ACYP2: variants seen among roughly 807,000 people sequenced by gnomAD.
ACYP2 encodes acylphosphatase-2.
In ACYP2, 12 loss-of-function variants were observed where a neutral mutation model predicts 11.2. That is an observed-to-expected ratio of 1.08 (90% CI 0.69 to 1.74). The LOEUF is 1.74. ACYP2 is among the 40% of genes most tolerant of loss of function. ACYP2 has a pLI of 0.00. For synonymous variants in ACYP2, 43 were observed against 32.2 expected (o/e 1.33, Z -1.13); for missense variants, 134 against 101.9 (o/e 1.31, Z -1.35).
intron 6 of ACYP2, among the ~76,000 whole-genome samples, chr2:54,222,549 C>CAAA (rs10607204): frequency 9.4e-6 from 1 of 106,490 alleles, no homozygotes; most frequent in Non-Finnish European, 2.0e-5. Context: ...GACTCTGTCT[C>CAAA]AAAAAAAAAA....
rs143163273 is a variant in ACYP2 at position 54,150,530 on chromosome 2, T to C, written c.404+11782T>C. ...TCTGCCTCCTGGGTTCAAGCAGTTC[T>C]CCTGCCTCAGCCTCCTGAGTAGCTG... On this transcript the variant is annotated intron_variant, in intron 6 of 6. Coordinates refer to ENST00000607452, the MANE Select transcript of ACYP2 (RefSeq NM_001320586.2). Among the ~76,000 whole-genome samples, 1,307 of 152,264 alleles carry C rather than the reference T, an allele frequency of 8.6e-3. 11 individuals are homozygous for C. The highest frequency in any genetic ancestry group is 0.03 in the African/African-American group (1,252 of 41,542).
At chr2:54,170,013 T>C (rs1683158989) in intron 6 of ACYP2, among the ~76,000 whole-genome samples, 3 of 152,326 alleles carry the variant, frequency 2.0e-5, no homozygotes, top group South Asian at 4.1e-4. Flanking sequence ...ACTCTTAAAC[T>C]AGTCTTTCCT....
At chr2:54,175,782 C>G (rs962666082) in intron 6 of ACYP2, among the ~76,000 whole-genome samples, 2 of 152,040 alleles carry the variant, frequency 1.3e-5, no homozygotes, top group Non-Finnish European at 2.9e-5. Flanking sequence ...TAATAGAAAC[C>G]CTGAACTTGC....
chr2:54,264,433 CCAA>C (rs1325805420), intron 6 of ACYP2, among the ~76,000 whole-genome samples: 2 of 152,306 alleles, frequency 1.3e-5, no homozygotes, highest in East Asian at 3.9e-4. Flanking sequence ...GAAAAGTTTT[CCAA>C]CTCCCCACCC....
chr2:54,205,770 A>G (rs868470781), intron 6 of ACYP2, among the ~76,000 whole-genome samples: 16 of 152,146 alleles, frequency 1.1e-4, no homozygotes, highest in Non-Finnish European at 2.1e-4. Flanking sequence ...CTTTCTTCTC[A>G]GAGCCTTTAG....
intron 6 of ACYP2, among the ~76,000 whole-genome samples, chr2:54,219,901 A>AT (rs1359232223): frequency 2.8e-5 from 3 of 107,946 alleles, no homozygotes; most frequent in African/African-American, 1.0e-4. Flanking sequence ...ATATATATAT[A>AT]TATATTTTTT....
intron 6 of ACYP2, among the ~76,000 whole-genome samples, chr2:54,187,603 G>A (rs1404655475): frequency 6.6e-6 from 1 of 152,220 alleles, no homozygotes; most frequent in Non-Finnish European, 1.5e-5. Context: ...GCTGCCATGT[G>A]CCTATGAAGT....
chr2:54,175,618 G>C (rs1683427013), intron 6 of ACYP2, among the ~76,000 whole-genome samples: 1 of 151,916 alleles, frequency 6.6e-6, no homozygotes, highest in African/African-American at 2.4e-5. Context: ...TTTTAATTGT[G>C]ATCTCCCAAA....
Position 54,155,618 on chromosome 2 carries a change from G to A in ACYP2, c.404+16870G>A, listed in dbSNP as rs545285980. Reference sequence around the variant, plus strand: ...GAATCTAACTAATGCCTGATGATCTGAGGTGGAACAGTTTCATCCTGAAAC... The same window carrying A: ...GAATCTAACTAATGCCTGATGATCTAAGGTGGAACAGTTTCATCCTGAAAC... On this transcript the variant is annotated intron_variant, in intron 6 of 6. Transcript: ENST00000607452. Among the ~76,000 whole-genome samples, 16 of 152,284 alleles carry A rather than the reference G, an allele frequency of 1.1e-4. No homozygotes were observed. In the East Asian group the frequency reaches 2.7e-3, roughly 26 times the overall value.
intron 2 of ACYP2, among the ~76,000 whole-genome samples, chr2:54,037,595 A>G (rs1018539842): frequency 6.6e-6 from 1 of 151,762 alleles, no homozygotes; most frequent in Non-Finnish European, 1.5e-5. Flanking sequence ...TTTTGTAGAG[A>G]TGAGATCTCA....
At chr2:54,229,628 A>C (rs74706226) in intron 6 of ACYP2, among the ~76,000 whole-genome samples, 4 of 152,192 alleles carry the variant, frequency 2.6e-5, no homozygotes, top group Admixed American at 2.6e-4. Context: ...AGAGAAAAAC[A>C]AAAACATTTT....
chr2:54,259,106 A>T (rs553657240), intron 6 of ACYP2, among the ~76,000 whole-genome samples: 11 of 152,234 alleles, frequency 7.2e-5, no homozygotes, highest in Non-Finnish European at 1.5e-4. Flanking sequence ...AGAGAAGTCA[A>T]GGATGACTCC....
At chr2:53,980,281 A>C (rs1183460930) in intron 2 of ACYP2, among the ~76,000 whole-genome samples, 2 of 152,010 alleles carry the variant, frequency 1.3e-5, no homozygotes, top group African/African-American at 4.8e-5. Flanking sequence ...TAAACCTGGG[A>C]GGTGGAAGCT....
rs1673980768 is a variant in ACYP2 at position 54,021,012 on chromosome 2, A to G, written c.63-29946A>G. ...AAGGGTACAACTCACAGATGGAGCA[A>G]TGGCGAGAGCACATTTGAACAAGGG... On this transcript the variant is annotated intron_variant, in intron 2 of 6. Coordinates refer to ENST00000607452, the MANE Select transcript of ACYP2 (RefSeq NM_001320586.2). Among the ~76,000 whole-genome samples, 3 of 152,338 alleles carry G rather than the reference A, an allele frequency of 2.0e-5. No homozygotes were observed. In the South Asian group the frequency reaches 6.2e-4, roughly 32 times the overall value.
chr2:54,268,778 C>T (rs1366250686), intron 6 of ACYP2, among the ~76,000 whole-genome samples: 2 of 152,132 alleles, frequency 1.3e-5, no homozygotes, highest in African/African-American at 4.8e-5. Flanking sequence ...CACTGCACTC[C>T]AGCCTGGAGC....
At chr2:54,167,116 T>A (rs1683014880) in intron 6 of ACYP2, 1 of 152,110 alleles carries the variant, frequency 6.6e-6, no homozygotes, top group Admixed American at 6.6e-5. Flanking sequence ...TGTGACCTTT[T>A]GCCTCCAGCT....
At chr2:54,272,175 GGAAACTGAAGTTTAGC>G (rs888916366) in intron 6 of ACYP2, among the ~76,000 whole-genome samples, 1 of 152,164 alleles carries the variant, frequency 6.6e-6, no homozygotes, top group African/African-American at 2.4e-5. Flanking sequence ...TCAGTGTTGA[GGAAACTGAAGTTTAGC>G]AGATGCAGGC....
In ACYP2 at chr2:54,008,930, A is replaced by G. The variant is rs562126918; in HGVS notation, c.62+35120A>G. Among the ~76,000 whole-genome samples, 5 of 152,294 alleles carry G rather than the reference A, an allele frequency of 3.3e-5. No individual in the cohort carries two copies. The East Asian group carries it at 9.7e-4, about 29-fold the overall frequency. ...CACTTTCCGAGGCTGAGGCAGGCAGATCACCTGAGGTCAAGAGTTCGAGAC... is the reference window on the plus strand; with the variant it reads ...CACTTTCCGAGGCTGAGGCAGGCAGGTCACCTGAGGTCAAGAGTTCGAGAC... On this transcript the variant is annotated intron_variant, in intron 2 of 6. Transcript: ENST00000607452.
intron 6 of ACYP2, among the ~76,000 whole-genome samples, chr2:54,181,675 A>C (rs1311064357): frequency 6.6e-6 from 1 of 152,146 alleles, no homozygotes; most frequent in Non-Finnish European, 1.5e-5. Context: ...TAATTCATCA[A>C]ATATTTATTA....
Sources: gnomAD v4.1 joint callset for allele counts (sites outside exome capture counted in the v4.1 genomes callset) on GRCh38, gnomAD v4.1.1 for gene constraint, MANE v1.5 for transcripts, NCBI Gene and HGNC (gene_info 2026-07-23, HGNC 2026-07-21) for gene names.